SMAD1: variants seen among roughly 807,000 people sequenced by gnomAD.
SMAD1 encodes the protein SMAD family member 1.
SMAD1 carries 6 observed loss-of-function variants against 41.6 expected under a neutral mutation model. The ratio of observed to expected loss-of-function variants is 0.14; its 90% CI spans 0.08 to 0.28. The LOEUF (loss-of-function observed/expected upper bound fraction) is 0.28, where lower values mean the gene tolerates loss of function less well. Ranked by LOEUF, SMAD1 falls within the 10% of genes least tolerant of loss-of-function variation. The pLI, the probability that SMAD1 is intolerant of heterozygous loss-of-function variation, is 1.00. For missense variants in SMAD1, 379 were observed against 582.6 expected (o/e 0.65, Z 3.60); for synonymous variants, 206 against 203.2 (o/e 1.01, Z -0.12).
intron 2 of SMAD1, among the ~76,000 whole-genome samples, chr4:145,532,427 C>T (rs933165328): frequency 1.3e-4 from 20 of 151,920 alleles, no homozygotes; most frequent in Admixed American, 1.3e-4. Context: ...CACCTAGGGG[C>T]GTTTTTTCAG....
At chr4:145,502,789 C>T (rs1729521208) in intron 1 of SMAD1, 1 of 152,206 alleles carries the variant, frequency 6.6e-6, no homozygotes, top group Non-Finnish European at 1.5e-5. Context: ...TTCACAGCTT[C>T]AGTGAACTTA....
intron 1 of SMAD1, among the ~76,000 whole-genome samples, chr4:145,512,930 A>T (rs1475428019): frequency 1.3e-5 from 2 of 152,240 alleles, no homozygotes; most frequent in Non-Finnish European, 2.9e-5. Context: ...GATTGGTTGT[A>T]AAGACTGATC....
intron 1 of SMAD1, among the ~76,000 whole-genome samples, chr4:145,496,015 A>G (rs566586814): frequency 6.6e-6 from 1 of 152,086 alleles, no homozygotes; most frequent in South Asian, 2.1e-4. Flanking sequence ...AATGGTGCCA[A>G]TTTTCTGATG....
chr4:145,527,893 C>G (rs1731112378), intron 2 of SMAD1, among the ~76,000 whole-genome samples: 1 of 150,698 alleles, frequency 6.6e-6, no homozygotes, highest in African/African-American at 2.4e-5. Flanking sequence ...CAGAATCCCA[C>G]CCTGTCACCC....
intron 5 of SMAD1, among the ~76,000 whole-genome samples, chr4:145,547,734 G>A (rs1732326139): frequency 6.6e-6 from 1 of 152,120 alleles, no homozygotes; most frequent in Non-Finnish European, 1.5e-5. Flanking sequence ...GCGGAGGGGA[G>A]CAAAAAGTAA....
intron 1 of SMAD1, among the ~76,000 whole-genome samples, chr4:145,501,624 C>T (rs907411793): frequency 6.7e-6 from 1 of 149,274 alleles, no homozygotes; most frequent in African/African-American, 2.5e-5. Context: ...ACATGAAATA[C>T]AGCAGGATTT....
intron 2 of SMAD1, among the ~76,000 whole-genome samples, chr4:145,531,306 T>C (rs539547447): frequency 5.3e-4 from 80 of 152,312 alleles, no homozygotes; most frequent in African/African-American, 1.9e-3. Flanking sequence ...CTACTTGAAG[T>C]GTCTCTGTTT....
At chr4:145,504,190 T>C (rs866360496) in intron 1 of SMAD1, among the ~76,000 whole-genome samples, 2 of 152,216 alleles carry the variant, frequency 1.3e-5, no homozygotes, top group African/African-American at 4.8e-5. Context: ...AGAGCCACAG[T>C]TTCCAAGAAC....
chr4:145,506,068 T>C (rs895536415), intron 1 of SMAD1, among the ~76,000 whole-genome samples: 4 of 152,082 alleles, frequency 2.6e-5, no homozygotes, highest in Non-Finnish European at 5.9e-5. Flanking sequence ...GATCTTGAAC[T>C]CTTGACTGGT....
chr4:145,522,991 A>G (rs1029209521), intron 2 of SMAD1, among the ~76,000 whole-genome samples: 3 of 152,158 alleles, frequency 2.0e-5, no homozygotes, highest in Non-Finnish European at 4.4e-5. Flanking sequence ...ATGTGTTTTT[A>G]TATGACATGT....
intron 1 of SMAD1, among the ~76,000 whole-genome samples, chr4:145,501,721 CT>C (rs34504494): frequency 0.35 from 50,224 of 145,158 alleles, 10,220 homozygotes; most frequent in Non-Finnish European, 0.48. Context: ...TTTGGATTAC[CT>C]TTTTTTTTTT....
At chr4:145,531,436 C>T (rs1731312679) in intron 2 of SMAD1, among the ~76,000 whole-genome samples, 1 of 152,090 alleles carries the variant, frequency 6.6e-6, no homozygotes, top group Non-Finnish European at 1.5e-5. Flanking sequence ...CTGACTGGCT[C>T]TGGGGCCATT....
chr4:145,555,321 A>C (rs532816259), intron 6 of SMAD1, among the ~76,000 whole-genome samples: 7 of 152,300 alleles, frequency 4.6e-5, no homozygotes, highest in African/African-American at 1.7e-4. Context: ...ACCTGCCAGA[A>C]GTGTTTTTGT....
intron 4 of SMAD1, among the ~76,000 whole-genome samples, chr4:145,543,636 G>A (rs988527670): frequency 6.6e-6 from 1 of 152,132 alleles, no homozygotes; most frequent in Non-Finnish European, 1.5e-5. Context: ...TATATCCTTA[G>A]CAGTGACCGA....
In SMAD1 at chr4:145,518,708, T is replaced by C. The variant is rs1334927786; in HGVS notation, c.400+3695T>C. Among the ~76,000 whole-genome samples, 2 of 125,924 alleles carry C rather than the reference T, an allele frequency of 1.6e-5. 1 individual carries two copies. Among genetic ancestry groups the C allele is most frequent in the Non-Finnish European group, 3.9e-5 (2 of 51,210 alleles). 82.6% of individuals were successfully genotyped at this position (125,924 alleles called of 152,430 possible). On this transcript the variant is annotated intron_variant, in intron 2 of 6. Transcript: ENST00000302085. ...TGATGAAGTATCTCAAAGAACAGTT[T>C]AGCAGTTTAACATATTTAAGTCTCC... is the stretch of plus-strand genomic sequence containing the variant.
At chr4:145,494,110 C>T (rs1257067494) in intron 1 of SMAD1, among the ~76,000 whole-genome samples, 3 of 151,782 alleles carry the variant, frequency 2.0e-5, no homozygotes, top group African/African-American at 2.4e-5. Flanking sequence ...TGCAGGTGCC[C>T]GCCACCATGC....
chr4:145,529,727 A>G (rs972746339), intron 2 of SMAD1, among the ~76,000 whole-genome samples: 2 of 152,248 alleles, frequency 1.3e-5, no homozygotes, highest in Non-Finnish European at 2.9e-5. Context: ...GATGATCTCT[A>G]GAAATTTGAC....
chr4:145,535,158 A>ATT (rs1375708550), intron 2 of SMAD1, among the ~76,000 whole-genome samples: 1 of 152,188 alleles, frequency 6.6e-6, no homozygotes, highest in African/African-American at 2.4e-5. Flanking sequence ...CCAAAATGTC[A>ATT]TTTGTCACCC....
chr4:145,514,469 G>C lies in SMAD1; in HGVS notation c.-145G>C. On this transcript the variant is annotated 5_prime_UTR_variant, in exon 2 of 7. Coordinates refer to ENST00000302085, the MANE Select transcript of SMAD1 (RefSeq NM_005900.3). The surrounding 1 kb of genome is among the most constrained non-coding windows in gnomAD (Gnocchi z 4.7). ...ACTGGGTTACTTTTTTAAACACTAG[G>C]AATGGTAATTTCTACTCTTCTGGAC... The C allele has an allele frequency of 1.4e-6, 1 of 730,516 alleles. No individual in the cohort carries two copies. The highest frequency in any genetic ancestry group is 2.5e-5 in the South Asian group (1 of 39,486). The allele number at this position is 730,516 out of a possible 1,614,324, so 45.3% of individuals were successfully genotyped here.
Sources: gnomAD v4.1 joint callset for allele counts (sites outside exome capture counted in the v4.1 genomes callset) on GRCh38, gnomAD v4.1.1 for gene constraint, Gnocchi (gnomAD v3.1) non-coding constraint, MANE v1.5 for transcripts, NCBI Gene and HGNC (gene_info 2026-07-23, HGNC 2026-07-21) for gene names.